XYLT2: variants seen among roughly 807,000 people sequenced by gnomAD.
XYLT2 encodes the protein UDP-D-xylose:proteoglycan core protein beta-D-xylosyltransferase.
XYLT2 carries 37 observed loss-of-function variants against 82.6 expected under a neutral mutation model. That is an observed-to-expected ratio of 0.45 (90% CI 0.34 to 0.59). XYLT2 has a LOEUF of 0.59. XYLT2 is among the 20% of genes least tolerant of loss of function. The probability of loss-of-function intolerance (pLI) is 0.01; values close to 1 mark genes in which losing one functional copy is unlikely to be tolerated. For synonymous variants in XYLT2, 474 were observed against 499.0 expected, an observed-to-expected ratio of 0.95 and a Z score of 0.67; for missense variants, 934 against 1,181.3, an observed-to-expected ratio of 0.79 and a Z score of 3.07.
intron 1 of XYLT2, among the ~76,000 whole-genome samples, chr17:50,351,747 G>A (rs1292527987): frequency 6.6e-6 from 1 of 152,228 alleles, no homozygotes; most frequent in East Asian, 1.9e-4. Flanking sequence ...CGAAGAGCAG[G>A]AGGTACTTTT....
intron 1 of XYLT2, among the ~76,000 whole-genome samples, chr17:50,353,378 G>A (rs578155382): frequency 6.6e-6 from 1 of 152,328 alleles, no homozygotes; most frequent in Non-Finnish European, 1.5e-5. Flanking sequence ...ACACTGCCAT[G>A]TAATCTGAGA....
At chr17:50,357,479 T>C in intron 9 of XYLT2, 1 of 502,624 alleles carries the variant, frequency 2.0e-6, no homozygotes, top group Non-Finnish European at 3.5e-6. Flanking sequence ...GAGGGAATTA[T>C]CAGTTCCACT....
rs1481212819 is a variant in XYLT2, at chr17:50,353,895, G to A, written c.401G>A (p.Gly134Glu). The A allele has an allele frequency of 1.9e-6, 3 of 1,608,736 alleles. No individual in the cohort carries two copies. The highest frequency in any genetic ancestry group is 2.5e-6 in the Non-Finnish European group (3 of 1,179,640). ...SGAAAGEALV[G>E]AAGFPPHGDT... is the part of the protein sequence containing the mutation. ...GCAGCAGCTGGGGAGGCGCTGGTAG[G>A]GGCAGCTGGCTTCCCACCACACGGA... The change falls in exon 2 of 11, where the codon GGG becomes GAG. Residue 134 changes from glycine to glutamate, a missense_variant. Physicochemically the swap from Gly to Glu is moderately conservative, Grantham distance 98. This residue lies in a region of XYLT2 where 371 missense variants were observed against 394.9 expected (regional missense o/e 0.94). Transcript: ENST00000017003.
intron 1 of XYLT2, among the ~76,000 whole-genome samples, chr17:50,351,199 G>A (rs575186535): frequency 1.3e-5 from 2 of 152,332 alleles, no homozygotes; most frequent in South Asian, 4.1e-4. Context: ...AGGGGAACAA[G>A]AGTAGGAGCT....
In XYLT2 at chr17:50,357,149, C is replaced by T. The variant is rs1166998765; in HGVS notation, c.1838C>T (p.Ser613Leu). Residue 613 changes from serine (S) to leucine (L), a missense_variant, in exon 9 of 11, where the codon TCA becomes TTA. Physicochemically the swap from Ser to Leu is moderately radical, Grantham distance 145 (BLOSUM62 -2). Coordinates refer to ENST00000017003, the MANE Select transcript of XYLT2 (RefSeq NM_022167.4). ...CTGGTGACGCAGGCGGTGCAGCCCT[C>T]AGCCCAGGGGCCGGCAGAGACGCTT... is the stretch of plus-strand genomic sequence containing the variant. ...GYLVTQAVQP[S>L]AQGPAETLEM... The T allele has an allele frequency of 3.7e-6, 6 of 1,613,706 alleles. No homozygotes were observed. The highest frequency in any genetic ancestry group is 5.1e-6 in the Non-Finnish European group (6 of 1,179,970).
chr17:50,350,046 G>T (rs1357664639), intron 1 of XYLT2, among the ~76,000 whole-genome samples: 1 of 149,228 alleles, frequency 6.7e-6, no homozygotes, highest in Non-Finnish European at 1.5e-5. Context: ...TGCCAGGCAT[G>T]GTGGCACATA....
rs144744293 is a variant in XYLT2, at chr17:50,355,530, C to G, written c.1037C>G (p.Ser346Cys). The change falls in exon 5 of 11, where the codon TCC (serine) becomes TGC (cysteine). Residue 346 changes from serine (S) to cysteine (C), a missense_variant. Transcript: ENST00000017003. ...RTNEELVAFL[S>C]KNRDKNFLKS... Reference sequence around the variant, plus strand: ...AATGAGGAGCTGGTGGCATTCCTATCCAAGAACCGGGACAAGAATTTCCTC... The same window carrying G: ...AATGAGGAGCTGGTGGCATTCCTATGCAAGAACCGGGACAAGAATTTCCTC... 6.2e-6 allele frequency: 10 copies of G among 1,614,174 alleles called. No individual in the cohort carries two copies. The highest frequency in any genetic ancestry group is 8.5e-6 in the Non-Finnish European group (10 of 1,180,032).
At chr17:50,353,381 A>G (rs1744816950) in intron 1 of XYLT2, among the ~76,000 whole-genome samples, 1 of 152,160 alleles carries the variant, frequency 6.6e-6, no homozygotes, top group African/African-American at 2.4e-5. Flanking sequence ...CTGCCATGTA[A>G]TCTGAGAGCC....
At chr17:50,355,418 G>A in intron 4 of XYLT2, 83 bp from the exon 5 acceptor site, 1 of 1,462,712 alleles carries the variant, frequency 6.8e-7, no homozygotes, top group East Asian at 2.3e-5. Flanking sequence ...ATCAGGCAGA[G>A]AAGAAAAGCC....
At chr17:50,359,887 G>A in intron 10 of XYLT2, 82 bp from the exon 11 acceptor site, 1 of 1,282,624 alleles carries the variant, frequency 7.8e-7, no homozygotes, top group Non-Finnish European at 1.1e-6. Context: ...CAGGAACTGG[G>A]GTACCCAGAC....
At position 50,350,893 on chromosome 17, in the gene XYLT2, C is replaced by G. The variant is rs557008070; in HGVS notation, c.136-2737C>G. The stretch of plus-strand genomic sequence containing the variant: ...TATCTGGGGGAGGGTTTGCCAGGCA[C>G]AGGGGATAGTGGGTGCAAGGGTTGG... On this transcript the variant is annotated intron_variant, in intron 1 of 10. Transcript: ENST00000017003. 2.0e-5 allele frequency among the ~76,000 whole-genome samples: 3 copies of G among 151,842 alleles called. No individual in the cohort carries two copies. The South Asian group carries it at 6.3e-4, about 32-fold the overall frequency.
chr17:50,359,868 G>C, intron 10 of XYLT2, 101 bp from the exon 11 acceptor site: 1 of 1,031,240 alleles, frequency 9.7e-7, no homozygotes, highest in Non-Finnish European at 1.4e-6. Context: ...CTCAGAAGTA[G>C]GGCTGTGACA....
rs542462503 is a variant in XYLT2, at chr17:50,356,751, C to T, written c.1723C>T (p.Pro575Ser). ...SLHHAATAAP[P>S]MGTPLCRFEP... ...GCACCATGCCGCCACTGCTGCACCCCCAATGGGCACCCCACTCTGCAGGTG... is the reference window on the plus strand; with the variant it reads ...GCACCATGCCGCCACTGCTGCACCCTCAATGGGCACCCCACTCTGCAGGTG... The change falls in exon 8 of 11, where the codon CCA (proline) becomes TCA (serine). Residue 575 changes from proline (P) to serine (S), a missense_variant. Pro to Ser is a moderately conservative substitution (Grantham distance 74, BLOSUM62 -1). This residue lies in a region of XYLT2 where 374 missense variants were observed against 465.6 expected (regional missense o/e 0.80). Transcript: ENST00000017003. The T allele has an allele frequency of 1.2e-6, 2 of 1,604,518 alleles. No homozygotes were observed. The highest frequency in any genetic ancestry group is 1.3e-5 in the African/African-American group (1 of 74,942).
At position 50,355,884 on chromosome 17, in the gene XYLT2, G is replaced by C. The variant is rs1372995057; in HGVS notation, c.1192G>C (p.Gly398Arg). The C allele has an allele frequency of 6.2e-7, 1 of 1,614,140 alleles. No individual in the cohort carries two copies. Among genetic ancestry groups the C allele is most frequent in the Non-Finnish European group, 8.5e-7 (1 of 1,180,060 alleles). The change falls in exon 6 of 11, where the codon GGT (glycine) becomes CGT (arginine). Residue 398 changes from glycine (G) to arginine (R), a missense_variant. Physicochemically the swap from Gly to Arg is moderately radical, Grantham distance 125 (BLOSUM62 -2). Transcript: ENST00000017003. ...CCCAGCAGGCATTGTGGTGGATGGC[G>C]GTTCTGACTGGTTCGTGCTGACACG... Reference protein sequence around the residue: ...QIPAGIVVDGGSDWFVLTRSF... With the variant: ...QIPAGIVVDGRSDWFVLTRSF...
chr17:50,350,627 T>C (rs1912227570), intron 1 of XYLT2, among the ~76,000 whole-genome samples: 1 of 152,140 alleles, frequency 6.6e-6, no homozygotes, highest in South Asian at 2.1e-4. Context: ...GCTACGACTA[T>C]GTCAGTGAAC....
chr17:50,361,092 C>T lies in XYLT2; in HGVS notation c.*801C>T. 1 of 985,892 alleles carries T rather than the reference C, an allele frequency of 1.0e-6. No homozygotes were observed. Among genetic ancestry groups the T allele is most frequent in the South Asian group, 4.7e-5 (1 of 21,286 alleles). The allele number at this position is 985,892 out of a possible 1,614,324, so 61.1% of individuals were successfully genotyped here. ...CTCAGAAGAACCTGGAGTAATTGTG[C>T]CTGAAGCTCAGCGTGAAGTCTGAAA... is the stretch of plus-strand genomic sequence containing the variant. On this transcript the variant is annotated 3_prime_UTR_variant, in exon 11 of 11. Transcript: ENST00000017003.
At chr17:50,357,458 C>A (rs968705445) in intron 9 of XYLT2, 2 of 527,220 alleles carry the variant, frequency 3.8e-6, no homozygotes, top group East Asian at 3.2e-5. Flanking sequence ...AGAGGACATG[C>A]AGGGAGCAGG....
intron 1 of XYLT2, among the ~76,000 whole-genome samples, chr17:50,347,568 C>T (rs1912094643): frequency 6.6e-6 from 1 of 152,184 alleles, no homozygotes; most frequent in Non-Finnish European, 1.5e-5. Context: ...ACTGTTTGGG[C>T]AGATGGGACA....
chr17:50,360,183 C>T lies in XYLT2; in HGVS notation c.2490C>T (p.Pro830=). The T allele has an allele frequency of 4.3e-6, 7 of 1,614,074 alleles. No individual in the cohort carries two copies. The highest frequency in any genetic ancestry group is 5.9e-6 in the Non-Finnish European group (7 of 1,179,972). The stretch of plus-strand genomic sequence containing the variant: ...TGGCTGGACTGTGTGCCATAGGCCC[C>T]TCTCCCTGCCCCTCCCTGGAGCCCT... ...WSVAGLCAIG[P]SPCPSLEPCR... Residue 830 remains proline, a synonymous_variant, in exon 11 of 11, where the codon CCC becomes CCT. Transcript: ENST00000017003.
Sources: gnomAD v4.1 joint callset for allele counts (sites outside exome capture counted in the v4.1 genomes callset) on GRCh38, gnomAD v4.1.1 for gene constraint, gnomAD v4.1.1 regional missense constraint, MANE v1.5 for transcripts, NCBI Gene and HGNC (gene_info 2026-07-23, HGNC 2026-07-21) for gene names.